The following BTD variants were observed in gnomAD, a reference collection of about 807,000 sequenced individuals.
BTD encodes the protein biocytinase.
In BTD, 13 loss-of-function variants were observed where a neutral mutation model predicts 17.7. That is an observed-to-expected ratio of 0.74 (90% confidence interval 0.48 to 1.17). BTD has a LOEUF of 1.17. BTD is among the 50% of genes most tolerant of loss of function. The pLI, the probability that BTD is intolerant of heterozygous loss-of-function variation, is 0.00. For synonymous variants in BTD, 240 were observed against 245.2 expected (o/e 0.98, Z 0.20); for missense variants, 674 against 650.4 (o/e 1.04, Z -0.39).
downstream of BTD, among the ~76,000 whole-genome samples, chr3:15,717,024 C>T (rs989486164): frequency 3.2e-4 from 48 of 152,324 alleles, no homozygotes; most frequent in African/African-American, 1.0e-3. Context: ...ATTTAATTCT[C>T]ACAACCCTAT....
At chr3:15,658,167 TA>T (rs72190740), downstream of BTD, among the ~76,000 whole-genome samples, 1,058 of 129,950 alleles carry the variant, frequency 8.1e-3, 3 homozygotes, top group Non-Finnish European at 0.011. Flanking sequence ...AGACTCCATC[TA>T]AAAAAAAAAA....
intron 3 of BTD, chr3:15,685,414 G>A (rs2067996476): frequency 6.2e-7 from 1 of 1,613,120 alleles, no homozygotes. Flanking sequence ...TTGAAGTAAT[G>A]CATCTACACA....
At chr3:15,667,095 C>T (rs558729712) in intron 3 of BTD, 1 of 152,168 alleles carries the variant, frequency 6.6e-6, no homozygotes, top group East Asian at 1.9e-4. Context: ...TTGAAAATCC[C>T]ATATAGATAG....
rs182579512 is a variant in BTD, at chr3:15,640,381, A to G, written c.250-1527A>G. ...TGGCCCCATTACAAATGGATTTTTG[A>G]AAGTTTTTTTTTTTTCCTTTTTTTT... On this transcript the variant is annotated intron_variant, in intron 2 of 3. Coordinates refer to ENST00000643237, the MANE Select transcript of BTD (RefSeq NM_001370658.1). 9.3e-5 allele frequency among the ~76,000 whole-genome samples: 14 copies of G among 151,052 alleles called. No individual in the cohort carries two copies. In the East Asian group the frequency reaches 2.5e-3, roughly 27 times the overall value.
exon 4 of BTD, chr3:15,712,205 A>G (rs1214587387): frequency 3.8e-6 from 6 of 1,582,864 alleles, no homozygotes; most frequent in Non-Finnish European, 4.3e-6. Flanking sequence ...GAGGGGGAAC[A>G]TTCCATGTAT....
At chr3:15,713,889 A>C (rs190444223), downstream of BTD, among the ~76,000 whole-genome samples, 45 of 152,324 alleles carry the variant, frequency 3.0e-4, no homozygotes, top group East Asian at 8.3e-3. Context: ...TCTGGGGTCC[A>C]ATAAGTTTGG....
At chr3:15,694,214 GA>G (rs34118789) in intron 3 of BTD, among the ~76,000 whole-genome samples, 2 of 151,694 alleles carry the variant, frequency 1.3e-5, no homozygotes, top group African/African-American at 4.8e-5. Flanking sequence ...GATTGACACT[GA>G]AAAAAAATTT....
intron 3 of BTD, chr3:15,686,404 G>T (rs1237168659): frequency 2.0e-6 from 2 of 1,010,520 alleles, no homozygotes; most frequent in Non-Finnish European, 2.9e-6. Flanking sequence ...TTACTTTTGG[G>T]ATAGTTGCAC....
At chr3:15,711,039 G>A (rs1359275936) in exon 4 of BTD, among the ~76,000 whole-genome samples, 1 of 151,684 alleles carries the variant, frequency 6.6e-6, no homozygotes, top group Non-Finnish European at 1.5e-5. Flanking sequence ...AACTTGGCTG[G>A]AATAAGATGA....
chr3:15,614,163 G>A (rs549334820), intron 1 of BTD, among the ~76,000 whole-genome samples: 45 of 136,006 alleles, frequency 3.3e-4, no homozygotes, highest in Non-Finnish European at 5.9e-4. Context: ...TTGCTCTGTC[G>A]CCCAAGCTGG....
chr3:15,667,326 G>A (rs2066030847), intron 3 of BTD: 1 of 152,194 alleles, frequency 6.6e-6, no homozygotes, highest in African/African-American at 2.4e-5. Context: ...GAGATCTCCT[G>A]AACTAAATGG....
intron 1 of BTD, among the ~76,000 whole-genome samples, chr3:15,618,918 C>G (rs1312972306): frequency 6.6e-6 from 1 of 152,238 alleles, no homozygotes; most frequent in Non-Finnish European, 1.5e-5. Flanking sequence ...TATCCTACAA[C>G]ATTGGTATAA....
At chr3:15,620,163 C>G (rs1190177004) in intron 1 of BTD, among the ~76,000 whole-genome samples, 1 of 152,152 alleles carries the variant, frequency 6.6e-6, no homozygotes, top group Non-Finnish European at 1.5e-5. Flanking sequence ...CAACAGAAAA[C>G]AGGGTTCAAG....
intron 4 of BTD, chr3:15,721,241 CAAGAT>C: frequency 1.2e-6 from 1 of 848,086 alleles, no homozygotes; most frequent in South Asian, 1.6e-5. Flanking sequence ...GAAACGGAGA[CAAGAT>C]AAGTACAGAG....
At chr3:15,605,033 C>T (rs149485856) in intron 1 of BTD, among the ~76,000 whole-genome samples, 71 of 152,366 alleles carry the variant, frequency 4.7e-4, no homozygotes, top group African/African-American at 1.7e-3. Context: ...ACTGTTCCAA[C>T]TTCTGCCAGT....
At chr3:15,631,302 A>G (rs2065197726) in intron 1 of BTD, 1 of 749,822 alleles carries the variant, frequency 1.3e-6, no homozygotes, top group African/African-American at 1.8e-5. Flanking sequence ...CCTGACAAGT[A>G]AAGAATGACA....
chr3:15,668,124 T>G (rs1275302783), intron 3 of BTD: 3 of 152,210 alleles, frequency 2.0e-5, no homozygotes, highest in African/African-American at 7.2e-5. Context: ...CAGTTAGAGC[T>G]GCTCAACAAC....
intron 3 of BTD, chr3:15,708,060 G>A (rs532228389): frequency 6.2e-7 from 1 of 1,601,696 alleles, no homozygotes; most frequent in Admixed American, 1.7e-5. Flanking sequence ...TAGTGCAGTG[G>A]AGATCTTTTG....
At chr3:15,679,222 A>G (rs1575107364) in intron 3 of BTD, 2 of 1,367,202 alleles carry the variant, frequency 1.5e-6, no homozygotes, top group East Asian at 4.6e-5. Context: ...CTCCCACTTC[A>G]GCCTCCCAGA....
Sources: gnomAD v4.1 joint callset for allele counts (sites outside exome capture counted in the v4.1 genomes callset) on GRCh38, gnomAD v4.1.1 for gene constraint, MANE v1.5 for transcripts, NCBI Gene and HGNC (gene_info 2026-07-23, HGNC 2026-07-21) for gene names.